Variants in KCNIP4 observed in about 807,000 individuals in gnomAD.
The protein encoded by KCNIP4 is potassium voltage-gated channel interacting protein 4.
Under a neutral mutation model 34.0 loss-of-function variants are expected in KCNIP4, and 12 were observed. That is an observed-to-expected ratio of 0.35 (90% CI 0.23 to 0.57). The LOEUF (loss-of-function observed/expected upper bound fraction) is 0.57. KCNIP4 is among the 20% of genes least tolerant of loss of function. The pLI, the probability that KCNIP4 is intolerant of heterozygous loss-of-function variation, is 0.83. For synonymous variants in KCNIP4, 124 were observed against 102.2 expected, an observed-to-expected ratio of 1.21 and a Z score of -1.29; for missense variants, 238 against 311.7, an observed-to-expected ratio of 0.76 and a Z score of 1.78.
intron 1 of KCNIP4, among the ~76,000 whole-genome samples, chr4:21,519,417 T>C (rs771294464): frequency 2.6e-4 from 28 of 107,912 alleles, no homozygotes; most frequent in East Asian, 5.7e-4. Context: ...TATGTATGTG[T>C]ATATATACAC....
intron 1 of KCNIP4, among the ~76,000 whole-genome samples, chr4:21,544,155 C>T (rs1025820096): frequency 6.6e-6 from 1 of 152,050 alleles, no homozygotes; most frequent in Admixed American, 6.6e-5. Context: ...AACCTGGATT[C>T]TGGTCCTTTC....
chr4:21,094,111 A>G (rs1747260568), intron 1 of KCNIP4, among the ~76,000 whole-genome samples: 1 of 152,140 alleles, frequency 6.6e-6, no homozygotes, highest in African/African-American at 2.4e-5. Flanking sequence ...TTATTAAATA[A>G]TTTAATTTAG....
At chr4:21,622,606 AGCATGACTTCT>A (rs1168322373) in intron 1 of KCNIP4, among the ~76,000 whole-genome samples, 2 of 152,160 alleles carry the variant, frequency 1.3e-5, no homozygotes, top group African/African-American at 4.8e-5. Context: ...ATATCACTGG[AGCATGACTTCT>A]GCATATAAAG....
intron 1 of KCNIP4, among the ~76,000 whole-genome samples, chr4:21,384,034 C>T (rs55920737): frequency 0.21 from 32,033 of 151,986 alleles, 4,129 homozygotes; most frequent in Non-Finnish European, 0.29. Flanking sequence ...CACAAGAGCA[C>T]GCCGAGCTCA....
intron 1 of KCNIP4, among the ~76,000 whole-genome samples, chr4:21,228,357 A>ATGAT (rs1214027006): frequency 6.6e-6 from 1 of 152,150 alleles, no homozygotes; most frequent in Non-Finnish European, 1.5e-5. Flanking sequence ...ACCTTCTGCC[A>ATGAT]TGATTGTAAG....
intron 1 of KCNIP4, among the ~76,000 whole-genome samples, chr4:21,302,590 T>G (rs1344219695): frequency 6.6e-6 from 1 of 152,214 alleles, no homozygotes; most frequent in African/African-American, 2.4e-5. Context: ...ATTTTAGAAC[T>G]TATCCTCTTT....
intron 3 of KCNIP4, among the ~76,000 whole-genome samples, chr4:20,761,228 C>A (rs1754930673): frequency 6.6e-6 from 1 of 152,154 alleles, no homozygotes; most frequent in South Asian, 2.1e-4. Context: ...GCTTGCCAGA[C>A]CCCTTCATTA....
chr4:20,930,769 T>C (rs1251286639), intron 1 of KCNIP4, among the ~76,000 whole-genome samples: 1 of 151,090 alleles, frequency 6.6e-6, no homozygotes, highest in Non-Finnish European at 1.5e-5. Flanking sequence ...ACAACATTGC[T>C]AATCATTAGG....
intron 1 of KCNIP4, among the ~76,000 whole-genome samples, chr4:21,890,255 G>A (rs1392548712): frequency 6.6e-6 from 1 of 152,114 alleles, no homozygotes; most frequent in Admixed American, 6.6e-5. Flanking sequence ...TGCTTGACCA[G>A]AGGCAGACTT....
intron 1 of KCNIP4, chr4:21,763,005 G>A (rs922064632): frequency 2.3e-6 from 3 of 1,288,510 alleles, no homozygotes; most frequent in African/African-American, 1.5e-5. Flanking sequence ...ACAGCACTTG[G>A]TACACAGCGA....
intron 5 of KCNIP4, among the ~76,000 whole-genome samples, chr4:20,742,540 A>G (rs1199820400): frequency 6.6e-6 from 1 of 152,194 alleles, no homozygotes. Flanking sequence ...AAAACTCTCA[A>G]TAAACTAGGT....
chr4:21,807,676 G>A (rs927091110), intron 1 of KCNIP4, among the ~76,000 whole-genome samples: 7 of 152,154 alleles, frequency 4.6e-5, no homozygotes, highest in Admixed American at 3.3e-4. Context: ...TAGTGTCAGT[G>A]TTCCTTCATT....
intron 1 of KCNIP4, among the ~76,000 whole-genome samples, chr4:20,967,325 A>T (rs188805606): frequency 8.5e-5 from 13 of 152,338 alleles, no homozygotes; most frequent in Admixed American, 8.5e-4. Flanking sequence ...GGATAGGAAG[A>T]ATCAATATCG....
chr4:21,467,401 C>G (rs1405556123), intron 1 of KCNIP4, among the ~76,000 whole-genome samples: 1 of 152,126 alleles, frequency 6.6e-6, no homozygotes, highest in Non-Finnish European at 1.5e-5. Context: ...GTTGTAGGAG[C>G]TACACGCAGC....
At chr4:21,320,964 T>TTAAAAAAAAAAA (rs1553860312) in intron 1 of KCNIP4, among the ~76,000 whole-genome samples, 3 of 102,904 alleles carry the variant, frequency 2.9e-5, no homozygotes, top group Non-Finnish European at 5.6e-5. Context: ...GAATCTGTCT[T>TTAAAAAAAAAAA]AAAAAAAAAA....
intron 1 of KCNIP4, among the ~76,000 whole-genome samples, chr4:21,564,053 A>G (rs1461281549): frequency 6.6e-6 from 1 of 152,136 alleles, no homozygotes; most frequent in East Asian, 1.9e-4. Context: ...TATGAGTATT[A>G]TTGCTATTAT....
chr4:21,864,763 C>T (rs1725313465), intron 1 of KCNIP4, among the ~76,000 whole-genome samples: 1 of 152,180 alleles, frequency 6.6e-6, no homozygotes. Context: ...TCATAGTGAA[C>T]ACCAGATCCT....
At chr4:21,413,843 C>A in intron 1 of KCNIP4, among the ~76,000 whole-genome samples, 1 of 152,230 alleles carries the variant, frequency 6.6e-6, no homozygotes, top group Non-Finnish European at 1.5e-5. Flanking sequence ...TTGCAGTCTG[C>A]AGCAGTTCAA....
At chr4:21,497,455 CT>C (rs574766052) in intron 1 of KCNIP4, among the ~76,000 whole-genome samples, 61 of 152,252 alleles carry the variant, frequency 4.0e-4, no homozygotes, top group Admixed American at 9.2e-4. Context: ...ATGCCCTCCC[CT>C]CTTCACATGA....
Sources: allele counts gnomAD v4.1 joint callset (sites outside exome capture counted in the v4.1 genomes callset), GRCh38; gene constraint gnomAD v4.1.1; transcripts MANE v1.5; gene names NCBI Gene and HGNC (gene_info 2026-07-23, HGNC 2026-07-21).